The following CTIF variants were observed in gnomAD, a reference collection of about 807,000 sequenced individuals.
The protein encoded by CTIF is CBP80/20-dependent translation initiation factor.
In CTIF, 21 loss-of-function variants were observed where a neutral mutation model predicts 66.0. The ratio of observed to expected loss-of-function variants is 0.32; its 90% CI spans 0.23 to 0.46. CTIF has a LOEUF of 0.46. Among genes scored for constraint, CTIF ranks in the 20% least tolerant of loss-of-function variants. The probability of loss-of-function intolerance (pLI) is 1.00; values close to 1 mark genes in which losing one functional copy is unlikely to be tolerated. For missense variants in CTIF, 739 were observed against 812.7 expected (o/e 0.91, Z 1.10); for synonymous variants, 345 against 326.4 (o/e 1.06, Z -0.62).
At chr18:48,627,714 G>A (rs1254723880) in intron 2 of CTIF, among the ~76,000 whole-genome samples, 1 of 139,508 alleles carries the variant, frequency 7.2e-6, no homozygotes, top group African/African-American at 2.6e-5. Flanking sequence ...GTGAGACCCT[G>A]TCTCAAAACA....
At chr18:48,808,685 A>G (rs1327628590) in intron 9 of CTIF, among the ~76,000 whole-genome samples, 1 of 152,160 alleles carries the variant, frequency 6.6e-6, no homozygotes, top group South Asian at 2.1e-4. Context: ...GTGGTCCTCA[A>G]GGGATCATGT....
intron 3 of CTIF, 141 bp from the exon 4 acceptor site, chr18:48,663,611 C>A: frequency 1.4e-6 from 1 of 738,412 alleles, no homozygotes; most frequent in Non-Finnish European, 2.4e-6. Context: ...CAGGCAGTCC[C>A]CTGACTCTGA....
At chr18:48,688,674 G>A (rs968606510) in intron 6 of CTIF, among the ~76,000 whole-genome samples, 1 of 152,224 alleles carries the variant, frequency 6.6e-6, no homozygotes, top group South Asian at 2.1e-4. Flanking sequence ...GGGGCCCAGG[G>A]TCCCTTGGTC....
chr18:48,646,015 T>C (rs2091024739), intron 3 of CTIF, among the ~76,000 whole-genome samples: 1 of 152,202 alleles, frequency 6.6e-6, no homozygotes, highest in Non-Finnish European at 1.5e-5. Flanking sequence ...TTGTTTGTCA[T>C]ATCACAAACA....
At chr18:48,763,156 G>A (rs1379258439) in intron 9 of CTIF, among the ~76,000 whole-genome samples, 1 of 152,202 alleles carries the variant, frequency 6.6e-6, no homozygotes, top group Non-Finnish European at 1.5e-5. Flanking sequence ...GTCAGGGACA[G>A]CATCAGCCTA....
intron 6 of CTIF, among the ~76,000 whole-genome samples, chr18:48,708,953 G>T (rs1302545041): frequency 6.6e-6 from 1 of 152,194 alleles, no homozygotes; most frequent in East Asian, 1.9e-4. Flanking sequence ...CCTGAGCAGA[G>T]TGTCAGGATC....
chr18:48,656,392 C>T (rs2144824515), intron 3 of CTIF, among the ~76,000 whole-genome samples: 1 of 152,322 alleles, frequency 6.6e-6, no homozygotes, highest in Non-Finnish European at 1.5e-5. Flanking sequence ...GGATGGTGAT[C>T]ATACTATCTG....
chr18:48,593,576 G>T (rs879651111), intron 1 of CTIF, among the ~76,000 whole-genome samples: 1 of 151,562 alleles, frequency 6.6e-6, no homozygotes, highest in Non-Finnish European at 1.5e-5. Context: ...TAGAGACGGG[G>T]TTTCACCGTA....
intron 1 of CTIF, among the ~76,000 whole-genome samples, chr18:48,560,227 T>G (rs1313077662): frequency 1.9e-5 from 2 of 105,828 alleles, no homozygotes; most frequent in Non-Finnish European, 1.9e-5. Context: ...TTGGAGGCTA[T>G]TTTTTTTTTT....
chr18:48,796,056 C>A (rs562087952), intron 9 of CTIF, among the ~76,000 whole-genome samples: 2 of 152,312 alleles, frequency 1.3e-5, no homozygotes, highest in East Asian at 3.9e-4. Context: ...AGTGCAATGG[C>A]ATGATCTCGG....
chr18:48,655,065 A>T (rs1294266852), intron 3 of CTIF, among the ~76,000 whole-genome samples: 1 of 152,108 alleles, frequency 6.6e-6, no homozygotes, highest in Non-Finnish European at 1.5e-5. Context: ...TGGCACATGT[A>T]TACCTATATA....
intron 9 of CTIF, among the ~76,000 whole-genome samples, chr18:48,804,525 G>A (rs1483863705): frequency 6.6e-6 from 1 of 152,234 alleles, no homozygotes; most frequent in Non-Finnish European, 1.5e-5. Context: ...GACTGCCAGG[G>A]GTCGGGGGCG....
In CTIF at chr18:48,824,761, C is replaced by G. The variant is rs1237189194; in HGVS notation, c.1527+7385C>G. ...GTTCAAGCGATTCTTCTGCCTCAGC[C>G]TCTCAAGGAGCTGGGATTACAGACG... On this transcript the variant is annotated intron_variant, in intron 10 of 11. Coordinates refer to ENST00000256413, the MANE Select transcript of CTIF (RefSeq NM_014772.3). 2.0e-5 allele frequency among the ~76,000 whole-genome samples: 3 copies of G among 152,160 alleles called. 1 individual carries two copies. The highest frequency in any genetic ancestry group is 7.2e-5 in the African/African-American group (3 of 41,438).
chr18:48,727,446 C>CT (rs1386918315), intron 7 of CTIF, among the ~76,000 whole-genome samples: 7 of 152,208 alleles, frequency 4.6e-5, no homozygotes, highest in African/African-American at 7.2e-5. Flanking sequence ...GCTCAGATAG[C>CT]TTCCTGCTGG....
intron 1 of CTIF, among the ~76,000 whole-genome samples, chr18:48,581,657 A>C (rs1196058522): frequency 6.6e-6 from 1 of 152,182 alleles, no homozygotes; most frequent in Non-Finnish European, 1.5e-5. Context: ...TCGGGCAGCC[A>C]GTGACCCCTT....
intron 10 of CTIF, among the ~76,000 whole-genome samples, chr18:48,833,516 G>A (rs1250861879): frequency 6.6e-6 from 1 of 152,086 alleles, no homozygotes; most frequent in Non-Finnish European, 1.5e-5. Context: ...AGACTCCTTG[G>A]ACGTTCCTAA....
chr18:48,805,010 G>T (rs1345287899), intron 9 of CTIF, among the ~76,000 whole-genome samples: 3 of 152,194 alleles, frequency 2.0e-5, no homozygotes, highest in Non-Finnish European at 4.4e-5. Context: ...ACTTGAGGTG[G>T]CTTAACATTG....
chr18:48,730,624 CGGTGTGAGGGGCCCCTGT>C lies in CTIF; in HGVS notation c.584+18942_584+18959del, dbSNP rs1157584467. ...GCTTCTGCTGTGTGAGGGGCTCCTGCGGTGTGAGGGGCCCCTGTGGTGTGAGGGGCTTCTGCGGTGTGA... is the reference window on the plus strand; with the variant it reads ...GCTTCTGCTGTGTGAGGGGCTCCTGCGGTGTGAGGGGCTTCTGCGGTGTGA... On this transcript the variant is annotated intron_variant, in intron 7 of 11. Coordinates refer to ENST00000256413, the MANE Select transcript of CTIF (RefSeq NM_014772.3). Among the ~76,000 whole-genome samples, 117 of 90,694 alleles carry C rather than the reference CGGTGTGAGGGGCCCCTGT, an allele frequency of 1.3e-3. 16 individuals are homozygous for C. Among genetic ancestry groups the C allele is most frequent in the African/African-American group, 2.9e-3 (67 of 22,772 alleles). The allele number at this position is 90,694 out of a possible 152,430, so 59.5% of individuals were successfully genotyped here.
At chr18:48,768,740 T>C (rs1909821418) in intron 9 of CTIF, among the ~76,000 whole-genome samples, 1 of 150,898 alleles carries the variant, frequency 6.6e-6, no homozygotes, top group South Asian at 2.1e-4. Context: ...AAAGACCCCA[T>C]CTTTGAAAAA....
Sources: gnomAD v4.1 joint callset for allele counts (sites outside exome capture counted in the v4.1 genomes callset) on GRCh38, gnomAD v4.1.1 for gene constraint, MANE v1.5 for transcripts, NCBI Gene and HGNC (gene_info 2026-07-23, HGNC 2026-07-21) for gene names.